Variants in THTPA observed in about 807,000 individuals in gnomAD.
The protein encoded by THTPA is thiamine triphosphatase.
Under a neutral mutation model 16.5 loss-of-function variants are expected in THTPA, and 16 were observed. That is an observed-to-expected ratio of 0.97 (90% CI 0.66 to 1.47). THTPA has a LOEUF of 1.47. Ranked by LOEUF, THTPA falls within the 40% of genes most tolerant of loss-of-function variation. THTPA has a pLI of 0.00. For synonymous variants in THTPA, 110 were observed against 115.5 expected (o/e 0.95, Z 0.30); for missense variants, 281 against 280.9 (o/e 1.00, Z 0.00).
the THTPA span, chr14:23,525,837 G>A: frequency 6.9e-7 from 1 of 1,457,828 alleles, no homozygotes; most frequent in Non-Finnish European, 9.0e-7. This position sits in a 1 kb window ranked among gnomAD's most constrained non-coding sequence, Gnocchi z 5.9. Flanking sequence ...AGATCGTGGA[G>A]GTAGAAGGGC....
chr14:23,559,969 G>T lies in THTPA; in HGVS notation c.*1129G>T. 6.2e-7 allele frequency: 1 copy of T among 1,613,398 alleles called. No homozygotes were observed. ...AGGATTGAGGATTCTGAAGAGCTGGGTGATAGGAAGGCCACCCCGAGCTGG... is the reference window on the plus strand; with the variant it reads ...AGGATTGAGGATTCTGAAGAGCTGGTTGATAGGAAGGCCACCCCGAGCTGG... On this transcript the variant is annotated 3_prime_UTR_variant, in exon 2 of 2. Coordinates refer to ENST00000288014, the MANE Select transcript of THTPA (RefSeq NM_024328.6).
the THTPA span, chr14:23,524,294 G>A: frequency 1.3e-6 from 2 of 1,536,394 alleles, no homozygotes; most frequent in South Asian, 1.2e-5. The surrounding 1 kb of genome is among the most constrained non-coding windows in gnomAD (Gnocchi z 5.6). Context: ...CATCTTGCGT[G>A]TTGGGTTGGA....
At chr14:23,534,303 C>G in the THTPA span, 1 of 1,535,442 alleles carries the variant, frequency 6.5e-7, no homozygotes, top group South Asian at 1.2e-5. The surrounding 1 kb of genome is among the most constrained non-coding windows in gnomAD (Gnocchi z 4.5). Flanking sequence ...GGCTGAGGGC[C>G]ATAACTTCTT....
the THTPA span, chr14:23,533,850 G>A: frequency 6.5e-7 from 1 of 1,539,312 alleles, no homozygotes. The surrounding 1 kb of genome is among the most constrained non-coding windows in gnomAD (Gnocchi z 4.8). Flanking sequence ...CAAGGCGGGG[G>A]TGGGCGCCCC....
At chr14:23,557,857 T>A (rs534616606) in intron 1 of THTPA, among the ~76,000 whole-genome samples, 2 of 152,356 alleles carry the variant, frequency 1.3e-5, no homozygotes, top group South Asian at 4.1e-4. Context: ...GATCTTCAGA[T>A]CATGAGACTG....
At chr14:23,550,438 G>A in the THTPA span, among the ~76,000 whole-genome samples, 1 of 152,236 alleles carries the variant, frequency 6.6e-6, no homozygotes, top group African/African-American at 2.4e-5. Context: ...CAGCCAAGGC[G>A]TGACACATAG....
the THTPA span, among the ~76,000 whole-genome samples, chr14:23,516,058 G>C: frequency 6.6e-6 from 1 of 152,048 alleles, no homozygotes; most frequent in Non-Finnish European, 1.5e-5. Context: ...TTGGTCCCTG[G>C]GTGCTGAAGA....
chr14:23,538,409 G>A, the THTPA span, among the ~76,000 whole-genome samples: 1 of 142,058 alleles, frequency 7.0e-6, no homozygotes, highest in African/African-American at 2.6e-5. Flanking sequence ...TTATTTTTTT[G>A]CTTTTTTTCC....
the THTPA span, chr14:23,522,734 A>G: frequency 9.8e-6 from 15 of 1,536,374 alleles, no homozygotes; most frequent in Non-Finnish European, 1.3e-5. Flanking sequence ...GGGGCCTGCA[A>G]CTGGCTTTCG....
At chr14:23,533,056 G>A in the THTPA span, 47 of 1,533,500 alleles carry the variant, frequency 3.1e-5, no homozygotes, top group East Asian at 2.9e-4. The surrounding 1 kb of genome is among the most constrained non-coding windows in gnomAD (Gnocchi z 4.8). Context: ...TTGGAGGCAG[G>A]TGGGCATCAG....
upstream of THTPA, among the ~76,000 whole-genome samples, chr14:23,551,889 G>C (rs906129474): frequency 6.6e-6 from 1 of 152,186 alleles, no homozygotes; most frequent in Non-Finnish European, 1.5e-5. The surrounding 1 kb of genome is among the most constrained non-coding windows in gnomAD (Gnocchi z 5.3). Context: ...CCCAGGGCCG[G>C]GGGCAGGCCG....
At chr14:23,551,062 CCCGTTT>C (rs1470212371), upstream of THTPA, among the ~76,000 whole-genome samples, 1 of 151,974 alleles carries the variant, frequency 6.6e-6, no homozygotes, top group Non-Finnish European at 1.5e-5. The surrounding 1 kb of genome is among the most constrained non-coding windows in gnomAD (Gnocchi z 5.3). Context: ...CTTTCCCGTT[CCCGTTT>C]CTCCCTCCAC....
At chr14:23,547,845 GC>G in the THTPA span, among the ~76,000 whole-genome samples, 1 of 152,178 alleles carries the variant, frequency 6.6e-6, no homozygotes, top group Admixed American at 6.5e-5. Context: ...TGTGCTAGGT[GC>G]TGGAAAACAA....
Position 23,559,876 on chromosome 14 carries a change from G to C in THTPA, c.*1036G>C, listed in dbSNP as rs1286368049. The C allele has an allele frequency of 6.2e-7, 1 of 1,613,332 alleles. No individual in the cohort carries two copies. The highest frequency in any genetic ancestry group is 8.5e-7 in the Non-Finnish European group (1 of 1,179,484). ...CTAGGAATAGGAGAGCAGGGACCAG[G>C]GTTAGCACCCACGGCTTCTTCTATC... On this transcript the variant is annotated 3_prime_UTR_variant, in exon 2 of 2. Coordinates refer to ENST00000288014, the MANE Select transcript of THTPA (RefSeq NM_024328.6).
the THTPA span, chr14:23,522,895 C>T: frequency 6.8e-7 from 1 of 1,481,256 alleles, no homozygotes; most frequent in Non-Finnish European, 8.9e-7. Context: ...TGGTGGTAGG[C>T]AGGACCGAAG....
the THTPA span, chr14:23,533,150 G>A: frequency 1.4e-6 from 2 of 1,460,386 alleles, no homozygotes; most frequent in African/African-American, 2.8e-5. This position sits in a 1 kb window ranked among gnomAD's most constrained non-coding sequence, Gnocchi z 4.8. Flanking sequence ...TCTATGTGGG[G>A]AGGTGGGTTA....
chr14:23,533,194 T>A, the THTPA span: 1 of 1,435,642 alleles, frequency 7.0e-7, no homozygotes, highest in Non-Finnish European at 9.1e-7. The surrounding 1 kb of genome is among the most constrained non-coding windows in gnomAD (Gnocchi z 4.8). Flanking sequence ...GACTTATGGT[T>A]ACCTAAGTGG....
At chr14:23,522,541 C>A in the THTPA span, 1 of 1,527,088 alleles carries the variant, frequency 6.5e-7, no homozygotes, top group Admixed American at 2.0e-5. Context: ...TGGGAAATAG[C>A]CCCTTCTTCA....
the THTPA span, chr14:23,534,885 C>A: frequency 6.5e-6 from 10 of 1,535,944 alleles, no homozygotes; most frequent in Admixed American, 5.9e-5. The surrounding 1 kb of genome is among the most constrained non-coding windows in gnomAD (Gnocchi z 4.5). Context: ...CCTTGATGCC[C>A]GCCTCACCCC....
Sources: gnomAD v4.1 joint callset for allele counts (sites outside exome capture counted in the v4.1 genomes callset) on GRCh38, gnomAD v4.1.1 for gene constraint, Gnocchi (gnomAD v3.1) non-coding constraint, MANE v1.5 for transcripts, NCBI Gene and HGNC (gene_info 2026-07-23, HGNC 2026-07-21) for gene names.